The following ARL17A variants were observed in gnomAD, a reference collection of about 807,000 sequenced individuals.
ARL17A encodes the protein ADP-ribosylation factor-like 17-like.
At chr17:46,544,803 G>C (rs1188709983) in intron 3 of ARL17A, among the ~76,000 whole-genome samples, 1 of 114,930 alleles carries the variant, frequency 8.7e-6, no homozygotes, top group East Asian at 3.0e-4. Flanking sequence ...TTTACGTATT[G>C]GAAAAAATTC....
chr17:46,544,726 T>C (rs367662344), intron 3 of ARL17A, among the ~76,000 whole-genome samples: 12,368 of 84,058 alleles, frequency 0.15, no homozygotes, highest in Non-Finnish European at 0.19. Flanking sequence ...TTTATCTCTC[T>C]GAAAGTGCCC....
intron 3 of ARL17A, among the ~76,000 whole-genome samples, chr17:46,558,187 G>A (rs1221676364): frequency 5.7e-5 from 6 of 105,580 alleles, no homozygotes; most frequent in East Asian, 4.0e-4. Flanking sequence ...AGCCTCCCTA[G>A]TAGCTGGGGT....
At chr17:46,534,995 A>T (rs2054430623) in intron 4 of ARL17A, among the ~76,000 whole-genome samples, 1 of 148,650 alleles carries the variant, frequency 6.7e-6, no homozygotes, top group African/African-American at 2.6e-5. Context: ...GATGCTCCTC[A>T]CCTCCCAGAC....
At chr17:46,521,542 T>C (rs1172733614) in intron 3 of ARL17A, among the ~76,000 whole-genome samples, 1 of 59,126 alleles carries the variant, frequency 1.7e-5, no homozygotes, top group Non-Finnish European at 4.3e-5. Context: ...GACCTGTTTA[T>C]GCTCAGAAGA....
At chr17:46,549,038 A>G (rs1292367315), downstream of ARL17A, 4 of 1,612,158 alleles carry the variant, frequency 2.5e-6, no homozygotes, top group Middle Eastern at 1.6e-4. Flanking sequence ...CCAATCGTAC[A>G]TGCCAGAAAA....
At chr17:46,520,785 G>C (rs1341693617) in intron 3 of ARL17A, among the ~76,000 whole-genome samples, 35 of 44,992 alleles carry the variant, frequency 7.8e-4, no homozygotes, top group Admixed American at 7.3e-3. Flanking sequence ...AGTTGGTTTA[G>C]TAGGATGAAA....
chr17:46,535,073 T>C (rs2145395488), intron 4 of ARL17A, among the ~76,000 whole-genome samples: 1 of 148,266 alleles, frequency 6.7e-6, no homozygotes, highest in South Asian at 2.1e-4. Context: ...TTCAAATTTT[T>C]TGTAGAGACA....
chr17:46,502,702 C>T, the ARL17A span, among the ~76,000 whole-genome samples: 998 of 149,896 alleles, frequency 6.7e-3, no homozygotes, highest in Admixed American at 0.011. Flanking sequence ...CAAGGAAAGG[C>T]CTAAGGCACC....
chr17:46,525,716 A>G (rs1326232031), downstream of ARL17A, among the ~76,000 whole-genome samples: 3 of 113,462 alleles, frequency 2.6e-5, no homozygotes, highest in Non-Finnish European at 3.9e-5. Context: ...ATAAAAATTA[A>G]TGAATTCACT....
At chr17:46,525,536 G>A (rs1370580233), downstream of ARL17A, among the ~76,000 whole-genome samples, 2 of 111,412 alleles carry the variant, frequency 1.8e-5, 1 homozygote, top group African/African-American at 6.4e-5. Flanking sequence ...GCAGTGAGCC[G>A]AGATGGCACC....
intron 4 of ARL17A, among the ~76,000 whole-genome samples, chr17:46,534,201 T>C (rs1342049727): frequency 6.7e-6 from 1 of 149,236 alleles, no homozygotes; most frequent in African/African-American, 2.6e-5. Flanking sequence ...GTTTTTGTTT[T>C]TTTTAATTTT....
chr17:46,542,862 A>G (rs113097298), intron 3 of ARL17A, among the ~76,000 whole-genome samples: 12,000 of 138,462 alleles, frequency 0.087, no homozygotes, highest in Non-Finnish European at 0.13. Context: ...GGTTGAGGGC[A>G]TTTTGCAAGA....
intron 3 of ARL17A, among the ~76,000 whole-genome samples, chr17:46,558,553 ATTTTTTTT>A (rs58227880): frequency 1.0e-5 from 1 of 100,246 alleles, no homozygotes; most frequent in Admixed American, 1.0e-4. Flanking sequence ...TGCCCGGCCA[ATTTTTTTT>A]TTTTTTTTTT....
At chr17:46,545,776 A>C (rs1361023187) in intron 3 of ARL17A, among the ~76,000 whole-genome samples, 1 of 146,918 alleles carries the variant, frequency 6.8e-6, no homozygotes, top group East Asian at 2.0e-4. Context: ...CAAATTGTCC[A>C]GATTTGACCA....
intron 4 of ARL17A, among the ~76,000 whole-genome samples, chr17:46,537,143 A>T (rs1166814935): frequency 2.7e-5 from 1 of 36,808 alleles, no homozygotes; most frequent in African/African-American, 1.5e-4. Flanking sequence ...TTATGAAGGG[A>T]TGAATTTTTG....
chr17:46,532,810 T>TTCTG (rs1451980838), intron 4 of ARL17A, among the ~76,000 whole-genome samples: 1 of 149,448 alleles, frequency 6.7e-6, no homozygotes, highest in Non-Finnish European at 1.5e-5. Flanking sequence ...TAATTTGGTC[T>TTCTG]TCTGTATTTT....
At chr17:46,502,944 G>T in the ARL17A span, among the ~76,000 whole-genome samples, 2 of 150,614 alleles carry the variant, frequency 1.3e-5, no homozygotes, top group African/African-American at 5.0e-5. Context: ...CAGGCGTGGT[G>T]GCTCACGCCT....
At chr17:46,534,108 G>A (rs1384153173) in intron 4 of ARL17A, among the ~76,000 whole-genome samples, 1 of 143,346 alleles carries the variant, frequency 7.0e-6, no homozygotes, top group South Asian at 2.2e-4. Context: ...CCACCTCCCA[G>A]GCTTAAGCAA....
intron 3 of ARL17A, among the ~76,000 whole-genome samples, chr17:46,557,899 T>C (rs868826278): frequency 1.1e-4 from 10 of 89,250 alleles, no homozygotes; most frequent in Admixed American, 3.7e-4. Flanking sequence ...CCTGAGCTGA[T>C]TGGAGAAACA....
Sources: allele counts gnomAD v4.1 joint callset (sites outside exome capture counted in the v4.1 genomes callset), GRCh38; gene constraint gnomAD v4.1.1; transcripts MANE v1.5; gene names NCBI Gene and HGNC (gene_info 2026-07-23, HGNC 2026-07-21).